MYOZ2: variants seen among roughly 807,000 people sequenced by gnomAD.
MYOZ2 encodes myozenin-2.
A neutral mutation model predicts 25.4 loss-of-function variants in MYOZ2; 19 were observed. That is an observed-to-expected ratio of 0.75 (90% CI 0.52 to 1.10). The LOEUF is 1.10. Ranked by LOEUF, MYOZ2 falls within the 50% of genes least tolerant of loss-of-function variation. The pLI is 0.00. For synonymous variants in MYOZ2, 92 were observed against 106.9 expected (o/e 0.86, Z 0.86); for missense variants, 270 against 317.9 (o/e 0.85, Z 1.15).
intron 5 of MYOZ2, among the ~76,000 whole-genome samples, chr4:119,178,449 T>A (rs1054223570): frequency 5.9e-5 from 9 of 152,144 alleles, no homozygotes; most frequent in Non-Finnish European, 1.3e-4. Context: ...TGAAACTTGA[T>A]CTCTAGCTCC....
chr4:119,152,086 CTT>C (rs1561111337), intron 3 of MYOZ2, among the ~76,000 whole-genome samples: 1 of 152,080 alleles, frequency 6.6e-6, no homozygotes, highest in Non-Finnish European at 1.5e-5. Context: ...TGAGAGGACA[CTT>C]AACAAATTTA....
In MYOZ2 at chr4:119,152,394, C is replaced by T. The variant is rs150787278; in HGVS notation, c.246+1353C>T. On this transcript the variant is annotated intron_variant, in intron 3 of 5. Coordinates refer to ENST00000307128, the MANE Select transcript of MYOZ2 (RefSeq NM_016599.5). ...GAGTAGTACAAAATAAGGTGGCTTA[C>T]GGAAGTCTTTGAAAAGTCATCTACA... Among the ~76,000 whole-genome samples, 449 of 152,042 alleles carry T rather than the reference C, an allele frequency of 3.0e-3. 4 individuals carry two copies. Among genetic ancestry groups the T allele is most frequent in the African/African-American group, 0.01 (429 of 41,490 alleles).
At chr4:119,164,416 A>G in intron 5 of MYOZ2, 22 bp downstream of exon 5, 1 of 1,613,580 alleles carries the variant, frequency 6.2e-7, no homozygotes. Context: ...GTCCTGGGTG[A>G]CACTGTTGGC....
rs1742289965 is a variant in MYOZ2, at chr4:119,186,159, C to A, written c.754C>A (p.Pro252Thr). 1.2e-6 allele frequency: 2 copies of A among 1,613,538 alleles called. No homozygotes were observed. The highest frequency in any genetic ancestry group is 1.7e-6 in the Non-Finnish European group (2 of 1,179,734). ...TATTCCTATAGTGATAACAACCGAA[C>A]CTACAGATGATACCACTGTACCAGA... Reference protein sequence around the residue: ...ENIPIVITTEPTDDTTVPESE... With the variant: ...ENIPIVITTETTDDTTVPESE... The change falls in exon 6 of 6, where the codon CCT becomes ACT. Residue 252 changes from proline to threonine, a missense_variant. Physicochemically the swap from Pro to Thr is conservative, Grantham distance 38 (BLOSUM62 -1). Transcript: ENST00000307128.
At chr4:119,149,283 C>T (rs1403939894) in intron 2 of MYOZ2, among the ~76,000 whole-genome samples, 1 of 152,166 alleles carries the variant, frequency 6.6e-6, no homozygotes, top group Non-Finnish European at 1.5e-5. Flanking sequence ...TCCCAACTTC[C>T]CACTCGGTCT....
intron 5 of MYOZ2, among the ~76,000 whole-genome samples, chr4:119,171,832 C>CACAAA (rs1215764757): frequency 6.0e-5 from 9 of 150,858 alleles, no homozygotes; most frequent in African/African-American, 1.7e-4. Context: ...CACACACACA[C>CACAAA]ACAAAACAAA....
At chr4:119,146,559 C>T (rs1741299694) in intron 2 of MYOZ2, among the ~76,000 whole-genome samples, 1 of 151,976 alleles carries the variant, frequency 6.6e-6, no homozygotes. Flanking sequence ...TTACTAATTT[C>T]TAGTTCGGTT....
chr4:119,166,173 C>T (rs1741819857), intron 5 of MYOZ2, among the ~76,000 whole-genome samples: 1 of 152,122 alleles, frequency 6.6e-6, no homozygotes, highest in African/African-American at 2.4e-5. Flanking sequence ...ATAGTATATT[C>T]TTAGACTTCT....
intron 4 of MYOZ2, among the ~76,000 whole-genome samples, chr4:119,162,418 G>C (rs927761850): frequency 6.6e-6 from 1 of 152,204 alleles, no homozygotes; most frequent in Non-Finnish European, 1.5e-5. Context: ...CAGCAGTGTG[G>C]AGGCTGGCTG....
At chr4:119,177,762 T>C (rs753432619) in intron 5 of MYOZ2, among the ~76,000 whole-genome samples, 6 of 152,192 alleles carry the variant, frequency 3.9e-5, no homozygotes, top group Middle Eastern at 3.2e-3. Flanking sequence ...CCAATCCCTC[T>C]CATCCACTCT....
At chr4:119,139,344 T>C (rs1450851102) in intron 2 of MYOZ2, among the ~76,000 whole-genome samples, 1 of 152,204 alleles carries the variant, frequency 6.6e-6, no homozygotes, top group Non-Finnish European at 1.5e-5. Context: ...CAGCCACAGT[T>C]GTTACCATCT....
intron 5 of MYOZ2, among the ~76,000 whole-genome samples, chr4:119,184,474 C>T (rs1370703335): frequency 1.3e-5 from 2 of 152,186 alleles, no homozygotes; most frequent in Non-Finnish European, 2.9e-5. Context: ...GTTTAAATGT[C>T]GCCTCTTCAG....
In MYOZ2 at chr4:119,178,848, C is replaced by A. The variant is rs1429295215; in HGVS notation, c.561-7118C>A. Reference sequence around the variant, plus strand: ...TCTCCAACTTCAGACCTCAGGTGATCCACCTGCCTCGGCCTCCCAAAGTGC... The same window carrying A: ...TCTCCAACTTCAGACCTCAGGTGATACACCTGCCTCGGCCTCCCAAAGTGC... On this transcript the variant is annotated intron_variant, in intron 5 of 5. Coordinates refer to ENST00000307128, the MANE Select transcript of MYOZ2 (RefSeq NM_016599.5). 2.6e-5 allele frequency among the ~76,000 whole-genome samples: 4 copies of A among 152,186 alleles called. No homozygotes were observed. The East Asian group carries it at 7.7e-4, about 29-fold the overall frequency.
At chr4:119,149,370 G>A (rs1741393455) in intron 2 of MYOZ2, among the ~76,000 whole-genome samples, 1 of 152,248 alleles carries the variant, frequency 6.6e-6, no homozygotes, top group Non-Finnish European at 1.5e-5. Context: ...CTCCCCACAA[G>A]ATCTTAACGT....
At position 119,186,463 on chromosome 4, in the gene MYOZ2, A is replaced by G. The variant is rs1014801541; in HGVS notation, c.*263A>G. The G allele has an allele frequency of 4.6e-6, 2 of 436,754 alleles. No homozygotes were observed. The highest frequency in any genetic ancestry group is 8.2e-6 in the Non-Finnish European group (2 of 244,516). The allele number at this position is 436,754 out of a possible 1,614,324, so 27.1% of individuals were successfully genotyped here. Reference sequence around the variant, plus strand: ...TAAAGAATCCAGATATTTTACTGCAAAAGTTCAGATGGAAAAGTAATTGAC... The same window carrying G: ...TAAAGAATCCAGATATTTTACTGCAGAAGTTCAGATGGAAAAGTAATTGAC... On this transcript the variant is annotated 3_prime_UTR_variant, in exon 6 of 6. Coordinates refer to ENST00000307128, the MANE Select transcript of MYOZ2 (RefSeq NM_016599.5).
At chr4:119,162,765 C>G (rs773196218) in intron 4 of MYOZ2, among the ~76,000 whole-genome samples, 14 of 152,124 alleles carry the variant, frequency 9.2e-5, no homozygotes, top group Non-Finnish European at 1.8e-4. Flanking sequence ...GTTGGTAACA[C>G]TTTGTGATTT....
At chr4:119,138,675 C>T (rs1181548895) in intron 2 of MYOZ2, among the ~76,000 whole-genome samples, 2 of 152,116 alleles carry the variant, frequency 1.3e-5, no homozygotes, top group East Asian at 1.9e-4. Flanking sequence ...ATGTTCCAGT[C>T]GAAATCCCCT....
intron 3 of MYOZ2, among the ~76,000 whole-genome samples, chr4:119,155,768 C>T (rs1054549360): frequency 6.6e-6 from 1 of 152,074 alleles, no homozygotes; most frequent in Non-Finnish European, 1.5e-5. Flanking sequence ...CATTTGTATT[C>T]GGTCTGACTG....
chr4:119,184,355 C>T (rs1193857572), intron 5 of MYOZ2, among the ~76,000 whole-genome samples: 3 of 152,076 alleles, frequency 2.0e-5, no homozygotes, highest in Non-Finnish European at 1.5e-5. Context: ...TTGAACACGC[C>T]AACATTATTT....
Sources: allele counts gnomAD v4.1 joint callset (sites outside exome capture counted in the v4.1 genomes callset), GRCh38; gene constraint gnomAD v4.1.1; transcripts MANE v1.5; gene names NCBI Gene and HGNC (gene_info 2026-07-23, HGNC 2026-07-21).